The following CFAP92 variants were observed in gnomAD, a reference collection of about 807,000 sequenced individuals.
CFAP92 encodes cilia and flagella associated protein 92 (putative).
Under a neutral mutation model 106.3 loss-of-function variants are expected in CFAP92, and 86 were observed. The ratio of observed to expected loss-of-function variants is 0.81; its 90% CI spans 0.68 to 0.97. The LOEUF (loss-of-function observed/expected upper bound fraction) is 0.97, where lower values mean the gene tolerates loss of function less well. CFAP92 is among the 50% of genes least tolerant of loss of function. The pLI, the probability that CFAP92 is intolerant of heterozygous loss-of-function variation, is 0.00. For synonymous variants in CFAP92, 477 were observed against 506.4 expected, an observed-to-expected ratio of 0.94 and a Z score of 0.78; for missense variants, 1,204 against 1,283.8, an observed-to-expected ratio of 0.94 and a Z score of 0.95.
At chr3:128,995,194 C>A (rs190739415), upstream of CFAP92, among the ~76,000 whole-genome samples, 2 of 152,196 alleles carry the variant, frequency 1.3e-5, no homozygotes. Flanking sequence ...AAAACTGTGG[C>A]GCAGCTGGGG....
upstream of CFAP92, chr3:129,003,754 G>T: frequency 7.4e-7 from 1 of 1,350,100 alleles, no homozygotes; most frequent in South Asian, 1.6e-5. Context: ...GCATCTGGCT[G>T]GGGCACTTAC....
chr3:129,019,438 A>G, the CFAP92 span, among the ~76,000 whole-genome samples: 1 of 152,214 alleles, frequency 6.6e-6, no homozygotes, highest in African/African-American at 2.4e-5. Context: ...TTTGCTCATC[A>G]GTCCAATAAT....
chr3:128,938,522 C>G (rs1231681815), intron 10 of CFAP92, among the ~76,000 whole-genome samples: 1 of 145,804 alleles, frequency 6.9e-6, no homozygotes, highest in Non-Finnish European at 1.5e-5. Flanking sequence ...GAGATGGAGT[C>G]TCGCTCTGTC....
intron 4 of CFAP92, among the ~76,000 whole-genome samples, chr3:128,983,958 G>A (rs926671696): frequency 2.6e-5 from 4 of 152,218 alleles, no homozygotes; most frequent in African/African-American, 7.2e-5. Flanking sequence ...CAGGCCGGCA[G>A]GAGAGAGGAG....
At chr3:128,950,096 T>G (rs565398452) in intron 9 of CFAP92, among the ~76,000 whole-genome samples, 28 of 152,324 alleles carry the variant, frequency 1.8e-4, no homozygotes, top group Non-Finnish European at 2.9e-4. Flanking sequence ...GTCTCTGGAA[T>G]AGGGGATAGT....
In CFAP92 at chr3:128,987,794, C is replaced by T; in HGVS notation, c.489G>A (p.Trp163Ter). 1.2e-6 allele frequency: 2 copies of T among 1,612,972 alleles called. No homozygotes were observed. Among genetic ancestry groups the T allele is most frequent in the African/African-American group, 2.7e-5 (2 of 75,000 alleles). Residue 163 changes from tryptophan (W) to a stop codon, truncating the protein, a stop_gained, in exon 4 of 16, where the codon TGG becomes TGA. Transcript: ENST00000645291. LOFTEE classifies it high-confidence loss of function. ...VKPWHEGDKA[W>*]VSWEQTFNIT... ...TATTAAAAGTCTGCTCCCACGACAC[C>T]CAGGCTTTGTCACCTTCGTGCCACG...
intron 8 of CFAP92, chr3:128,970,713 T>C (rs561585646): frequency 6.5e-6 from 1 of 152,952 alleles, no homozygotes; most frequent in South Asian, 2.0e-4. Context: ...GTTTGGCCAC[T>C]GAGCTGTGTG....
At chr3:128,989,417 G>T (rs1465533248) in intron 2 of CFAP92, among the ~76,000 whole-genome samples, 12 of 152,100 alleles carry the variant, frequency 7.9e-5, no homozygotes, top group Admixed American at 5.9e-4. Context: ...GGCCTCCCAG[G>T]GGGACCTTAG....
intron 4 of CFAP92, among the ~76,000 whole-genome samples, chr3:128,986,912 G>A (rs1324305362): frequency 6.6e-6 from 1 of 152,220 alleles, no homozygotes. Flanking sequence ...TGTGTTCCCA[G>A]TACTTCGAGA....
intron 15 of CFAP92, 71 bp downstream of exon 15, chr3:128,915,048 G>A: frequency 7.0e-7 from 1 of 1,436,760 alleles, no homozygotes; most frequent in Non-Finnish European, 9.3e-7. Context: ...CACTGAAGAT[G>A]CAGAGTGGCA....
At chr3:128,958,436 GTGC>G (rs987460858) in intron 9 of CFAP92, among the ~76,000 whole-genome samples, 1 of 152,174 alleles carries the variant, frequency 6.6e-6, no homozygotes, top group Non-Finnish European at 1.5e-5. Context: ...TCATGTCAAT[GTGC>G]TGATTTTGAT....
intron 12 of CFAP92, among the ~76,000 whole-genome samples, chr3:128,922,931 C>T (rs1163002424): frequency 6.6e-6 from 1 of 152,210 alleles, no homozygotes; most frequent in African/African-American, 2.4e-5. Flanking sequence ...GAAGGATAAG[C>T]TTCGATTTGC....
intron 9 of CFAP92, among the ~76,000 whole-genome samples, chr3:128,946,602 A>G (rs1353014891): frequency 1.3e-5 from 2 of 152,238 alleles, no homozygotes; most frequent in African/African-American, 4.8e-5. Flanking sequence ...TGTGGTCTGA[A>G]TTCGTAATCT....
chr3:128,926,359 C>T (rs565946423), intron 12 of CFAP92, among the ~76,000 whole-genome samples: 1 of 151,928 alleles, frequency 6.6e-6, no homozygotes, highest in Non-Finnish European at 1.5e-5. Context: ...TCTAAAAATA[C>T]AAAAATTAGC....
chr3:128,912,578 T>G, intron 15 of CFAP92: 1 of 1,614,186 alleles, frequency 6.2e-7, no homozygotes, highest in South Asian at 1.1e-5. Flanking sequence ...AGCCTATATC[T>G]GTGCCCACCC....
chr3:128,928,481 C>A (rs1937957585), intron 12 of CFAP92, among the ~76,000 whole-genome samples: 1 of 152,150 alleles, frequency 6.6e-6, no homozygotes, highest in African/African-American at 2.4e-5. Flanking sequence ...GTTAATGGAA[C>A]ATAGTTTAGA....
At chr3:128,956,196 T>TAAATAAAAAAAAAAAAAAAAAAAAAAA (rs1941372225) in intron 9 of CFAP92, among the ~76,000 whole-genome samples, 1 of 61,712 alleles carries the variant, frequency 1.6e-5, no homozygotes, top group African/African-American at 9.2e-5. Context: ...AAAAAAAAAA[T>TAAATAAAAAAAAAAAAAAAAAAAAAAA]AAAAAAAAAA....
the CFAP92 span, among the ~76,000 whole-genome samples, chr3:129,017,459 G>A: frequency 2.0e-5 from 3 of 152,244 alleles, no homozygotes; most frequent in African/African-American, 2.4e-5. Context: ...GCACAAGGCC[G>A]AAAGCAAGGC....
chr3:128,952,673 C>T (rs112882042), intron 9 of CFAP92, among the ~76,000 whole-genome samples: 7 of 152,208 alleles, frequency 4.6e-5, no homozygotes, highest in East Asian at 1.9e-4. Context: ...CCCAGCTGCT[C>T]GGGAGGCTGA....
Sources: allele counts gnomAD v4.1 joint callset (sites outside exome capture counted in the v4.1 genomes callset), GRCh38; gene constraint gnomAD v4.1.1; transcripts MANE v1.5; gene names NCBI Gene and HGNC (gene_info 2026-07-23, HGNC 2026-07-21).